CTNNA3: variants seen among roughly 807,000 people sequenced by gnomAD.
CTNNA3 encodes catenin alpha-3.
A neutral mutation model predicts 95.7 loss-of-function variants in CTNNA3; 76 were observed. The observed-to-expected ratio is 0.79, with a 90% confidence interval of 0.66 to 0.96. The LOEUF (loss-of-function observed/expected upper bound fraction) is 0.96. Ranked by LOEUF, CTNNA3 falls within the 40% of genes least tolerant of loss-of-function variation. The pLI is 0.00. For synonymous variants in CTNNA3, 431 were observed against 374.4 expected (o/e 1.15, Z -1.74); for missense variants, 1,191 against 1,089.8 (o/e 1.09, Z -1.31).
intron 5 of CTNNA3, among the ~76,000 whole-genome samples, chr10:67,353,378 A>G (rs1842704316): frequency 1.3e-5 from 2 of 151,998 alleles, no homozygotes; most frequent in Non-Finnish European, 2.9e-5. Context: ...CAACCTCTGC[A>G]TTATAGTAAC....
intron 5 of CTNNA3, among the ~76,000 whole-genome samples, chr10:67,303,205 G>A (rs1007570632): frequency 1.3e-4 from 20 of 152,232 alleles, no homozygotes; most frequent in South Asian, 1.0e-3. Flanking sequence ...GAACAGATCC[G>A]TATTTGAAAC....
intron 15 of CTNNA3, among the ~76,000 whole-genome samples, chr10:66,035,457 T>C (rs3858139): frequency 6.6e-6 from 1 of 150,892 alleles, no homozygotes; most frequent in Non-Finnish European, 1.5e-5. Context: ...CATATATACC[T>C]ACATAAAAGA....
chr10:67,168,234 G>C (rs775410126), intron 7 of CTNNA3, among the ~76,000 whole-genome samples: 1 of 152,106 alleles, frequency 6.6e-6, no homozygotes, highest in Non-Finnish European at 1.5e-5. Flanking sequence ...TTCCTACAGA[G>C]ACTATTCCTT....
At chr10:67,043,556 C>T (rs1227874953) in intron 7 of CTNNA3, among the ~76,000 whole-genome samples, 2 of 152,186 alleles carry the variant, frequency 1.3e-5, no homozygotes, top group African/African-American at 2.4e-5. Flanking sequence ...TGCTGTAACA[C>T]TCTGAATCTC....
chr10:67,629,781 A>C (rs1218135787), intron 2 of CTNNA3, among the ~76,000 whole-genome samples: 1 of 152,178 alleles, frequency 6.6e-6, no homozygotes. Flanking sequence ...AAAATCTGTT[A>C]AAACCCTGGC....
chr10:67,609,828 T>C (rs1214352832), intron 2 of CTNNA3, among the ~76,000 whole-genome samples: 1 of 152,198 alleles, frequency 6.6e-6, no homozygotes, highest in Admixed American at 6.5e-5. Context: ...TATCTTGCTC[T>C]TGGGGCCCCC....
At chr10:66,456,075 T>C (rs1000571154) in intron 11 of CTNNA3, among the ~76,000 whole-genome samples, 2 of 152,192 alleles carry the variant, frequency 1.3e-5, no homozygotes, top group Admixed American at 1.3e-4. Flanking sequence ...ACATATGATG[T>C]TCATAGATTG....
At chr10:66,145,317 A>T (rs886617295) in intron 13 of CTNNA3, among the ~76,000 whole-genome samples, 7 of 152,146 alleles carry the variant, frequency 4.6e-5, no homozygotes, top group Non-Finnish European at 8.8e-5. Context: ...CATTAGCACC[A>T]TATCATGTAC....
At chr10:66,722,474 G>C (rs768867584) in intron 9 of CTNNA3, among the ~76,000 whole-genome samples, 3 of 152,010 alleles carry the variant, frequency 2.0e-5, no homozygotes, top group Non-Finnish European at 4.4e-5. Context: ...ATTTTCCTGA[G>C]TGTAAGTAAA....
At chr10:66,487,180 G>GAT (rs1839761467) in intron 11 of CTNNA3, among the ~76,000 whole-genome samples, 3 of 87,510 alleles carry the variant, frequency 3.4e-5, no homozygotes, top group African/African-American at 1.4e-4. Context: ...TAAAAGGGCA[G>GAT]ATTTTTTTTT....
At chr10:67,579,032 T>TAC (rs71468816) in intron 3 of CTNNA3, among the ~76,000 whole-genome samples, 118 of 95,044 alleles carry the variant, frequency 1.2e-3, no homozygotes, top group Middle Eastern at 5.4e-3. Context: ...TATATATATA[T>TAC]ACACACACAC....
At chr10:67,514,134 A>G (rs1839731364) in intron 5 of CTNNA3, among the ~76,000 whole-genome samples, 1 of 152,082 alleles carries the variant, frequency 6.6e-6, no homozygotes, top group African/African-American at 2.4e-5. Context: ...CCCTGTCTCT[A>G]CGAAAAATAC....
intron 12 of CTNNA3, among the ~76,000 whole-genome samples, chr10:66,300,230 A>G (rs530531786): frequency 1.3e-5 from 2 of 152,236 alleles, no homozygotes; most frequent in South Asian, 2.1e-4. Flanking sequence ...CCATTAGAAT[A>G]TCACAGATAT....
intron 7 of CTNNA3, among the ~76,000 whole-genome samples, chr10:66,972,817 TC>T (rs1316857312): frequency 6.6e-6 from 1 of 151,348 alleles, no homozygotes. Context: ...TTCAAGTGAT[TC>T]TTGTGCCTCA....
intron 5 of CTNNA3, among the ~76,000 whole-genome samples, chr10:67,494,337 T>C (rs1838956981): frequency 6.6e-6 from 1 of 152,216 alleles, no homozygotes; most frequent in Non-Finnish European, 1.5e-5. Context: ...GAAACATCCT[T>C]TGAATAAAAT....
At chr10:67,709,673 G>A (rs1589577676) in intron 1 of CTNNA3, among the ~76,000 whole-genome samples, 1 of 151,420 alleles carries the variant, frequency 6.6e-6, no homozygotes. Flanking sequence ...CATTCCCCAG[G>A]TGATATCTGA....
chr10:66,659,432 C>A (rs897640077), intron 9 of CTNNA3, among the ~76,000 whole-genome samples: 1 of 152,102 alleles, frequency 6.6e-6, no homozygotes, highest in Non-Finnish European at 1.5e-5. Flanking sequence ...AGTTTTGTAA[C>A]TGAGATCTTT....
At chr10:66,777,300 A>C (rs1840340512) in intron 7 of CTNNA3, among the ~76,000 whole-genome samples, 1 of 151,790 alleles carries the variant, frequency 6.6e-6, no homozygotes, top group Non-Finnish European at 1.5e-5. Context: ...CTCCTATAGG[A>C]AGACACAGTA....
intron 7 of CTNNA3, among the ~76,000 whole-genome samples, chr10:67,028,341 G>A (rs549041083): frequency 6.6e-6 from 1 of 152,138 alleles, no homozygotes; most frequent in South Asian, 2.1e-4. Flanking sequence ...TGACTCAGAA[G>A]CTACAGAATA....
Sources: allele counts gnomAD v4.1 joint callset (sites outside exome capture counted in the v4.1 genomes callset), GRCh38; gene constraint gnomAD v4.1.1; transcripts MANE v1.5; gene names NCBI Gene and HGNC (gene_info 2026-07-23, HGNC 2026-07-21).